Variants in ELK3 observed in about 807,000 individuals in gnomAD.
The protein encoded by ELK3 is ETS domain-containing protein Elk-3.
Under a neutral mutation model 28.9 loss-of-function variants are expected in ELK3, and 10 were observed. The ratio of observed to expected loss-of-function variants is 0.35; its 90% CI spans 0.21 to 0.59. The LOEUF is 0.59. Among genes scored for constraint, ELK3 ranks in the 20% least tolerant of loss-of-function variants. The pLI is 0.82. For missense variants in ELK3, 463 were observed against 517.3 expected (o/e 0.90, Z 1.02); for synonymous variants, 272 against 243.5 (o/e 1.12, Z -1.09).
intron 4 of ELK3, among the ~76,000 whole-genome samples, chr12:96,266,326 A>G (rs1952029254): frequency 6.6e-6 from 1 of 152,238 alleles, no homozygotes; most frequent in African/African-American, 2.4e-5. Context: ...TTTTTGACAC[A>G]TCATCCTCAA....
At chr12:96,217,472 A>G (rs1951626520) in intron 1 of ELK3, among the ~76,000 whole-genome samples, 1 of 152,298 alleles carries the variant, frequency 6.6e-6, no homozygotes. Context: ...ATTTATTTCA[A>G]TGTTCTTCTT....
chr12:96,240,203 TCATGTTAC>T (rs769145978), intron 2 of ELK3, among the ~76,000 whole-genome samples: 11 of 152,186 alleles, frequency 7.2e-5, no homozygotes, highest in Non-Finnish European at 1.5e-4. Context: ...GTGCAACTGA[TCATGTTAC>T]CCAGAACTTT....
At chr12:96,199,643 A>G (rs1200048449) in intron 1 of ELK3, among the ~76,000 whole-genome samples, 7 of 152,166 alleles carry the variant, frequency 4.6e-5, no homozygotes, top group Non-Finnish European at 1.0e-4. Context: ...CCTTTCATCC[A>G]TTACTGGAGA....
Position 96,208,860 on chromosome 12 carries a change from G to A in ELK3, c.-3+14155G>A, listed in dbSNP as rs190833666. On this transcript the variant is annotated intron_variant, in intron 1 of 4. Transcript: ENST00000228741. Reference sequence around the variant, plus strand: ...AGATGTTGGAGGTCCCGGGCCAGGTGCAGCTGGGCCAGGGAAAGGGGAAGG... The same window carrying A: ...AGATGTTGGAGGTCCCGGGCCAGGTACAGCTGGGCCAGGGAAAGGGGAAGG... Among the ~76,000 whole-genome samples the A allele has an allele frequency of 3.9e-3, 590 of 152,178 alleles. 7 individuals carry two copies. Among genetic ancestry groups the A allele is most frequent in the African/African-American group, 0.013 (543 of 41,502 alleles).
chr12:96,202,922 C>T (rs1271711285), intron 1 of ELK3, among the ~76,000 whole-genome samples: 1 of 152,068 alleles, frequency 6.6e-6, no homozygotes, highest in Non-Finnish European at 1.5e-5. Context: ...GAGTCTCGCT[C>T]CGTCGCCCAG....
At chr12:96,234,734 G>A (rs1009353617) in intron 2 of ELK3, among the ~76,000 whole-genome samples, 10 of 152,220 alleles carry the variant, frequency 6.6e-5, no homozygotes, top group Admixed American at 1.3e-4. Flanking sequence ...CATTGTAGAG[G>A]TGGGGATGCT....
chr12:96,256,774 G>A (rs1951952403), intron 3 of ELK3, among the ~76,000 whole-genome samples: 1 of 152,230 alleles, frequency 6.6e-6, no homozygotes, highest in Non-Finnish European at 1.5e-5. Context: ...GATCAGGAAA[G>A]TGTCCTTGGA....
intron 3 of ELK3, among the ~76,000 whole-genome samples, chr12:96,251,848 A>G (rs1377814648): frequency 6.6e-6 from 1 of 152,244 alleles, no homozygotes; most frequent in African/African-American, 2.4e-5. Context: ...TCCATAACAT[A>G]AAAGTGCAAG....
chr12:96,246,918 A>C (rs545187826), intron 2 of ELK3, 22 bp from the exon 3 acceptor site: 2 of 1,561,894 alleles, frequency 1.3e-6, no homozygotes, highest in Non-Finnish European at 1.7e-6. Context: ...CAGATTTTCA[A>C]CGTCTACTTT....
rs1032492271 is a variant in ELK3 at position 96,194,615 on chromosome 12, C to A, written c.-93C>A. ...GGATCTCATTACAAGAGCCACAGAC[C>A]GTCTGCAGACGCCTGTCAGCATGGA... On this transcript the variant is annotated 5_prime_UTR_variant, in exon 1 of 5. Coordinates refer to ENST00000228741, the MANE Select transcript of ELK3 (RefSeq NM_005230.4). The A allele has an allele frequency of 1.3e-5, 2 of 150,058 alleles. No individual in the cohort carries two copies. The highest frequency in any genetic ancestry group is 4.9e-5 in the African/African-American group (2 of 41,148). The allele number at this position is 150,058 out of a possible 1,614,324, so 9.3% of individuals were successfully genotyped here.
intron 4 of ELK3, among the ~76,000 whole-genome samples, chr12:96,265,952 T>C (rs1952026726): frequency 6.6e-6 from 1 of 152,150 alleles, no homozygotes; most frequent in South Asian, 2.1e-4. Flanking sequence ...CCTACCAAAA[T>C]AAAAAGTTGT....
At chr12:96,250,726 G>T (rs1035363020) in intron 3 of ELK3, among the ~76,000 whole-genome samples, 3 of 152,200 alleles carry the variant, frequency 2.0e-5, no homozygotes, top group Admixed American at 6.5e-5. Flanking sequence ...TCTGTGTGTG[G>T]GGGGTGTGCT....
chr12:96,211,379 G>A (rs537552721), intron 1 of ELK3, among the ~76,000 whole-genome samples: 5 of 152,200 alleles, frequency 3.3e-5, no homozygotes, highest in Middle Eastern at 3.4e-3. Context: ...GTGAAATTAT[G>A]TGTATTTTGT....
chr12:96,195,155 C>G (rs1951454527), intron 1 of ELK3, among the ~76,000 whole-genome samples: 1 of 152,164 alleles, frequency 6.6e-6, no homozygotes, highest in Admixed American at 6.5e-5. Context: ...GGACCACCGC[C>G]GACCTTCCAG....
intron 1 of ELK3, among the ~76,000 whole-genome samples, chr12:96,210,425 T>C (rs2137004785): frequency 6.6e-6 from 1 of 152,340 alleles, no homozygotes; most frequent in East Asian, 1.9e-4. Context: ...AGCCTGTCCC[T>C]ATTCACACTT....
chr12:96,250,112 A>G (rs1162536353), intron 3 of ELK3, among the ~76,000 whole-genome samples: 4 of 152,046 alleles, frequency 2.6e-5, no homozygotes, highest in African/African-American at 4.8e-5. Context: ...CTTCGGGTCA[A>G]AGGAGGAGGA....
In ELK3 at chr12:96,247,407, A is replaced by C. The variant is rs1363962912; in HGVS notation, c.675A>C (p.Leu225Phe). Residue 225 changes from leucine (L) to phenylalanine (F), a missense_variant, in exon 3 of 5, where the codon TTA becomes TTC. By Grantham distance (22) the Leu-to-Phe change is conservative. Around this residue, in one of 2 missense-constraint regions of ELK3, gnomAD observed 408 missense variants for 414.8 expected, o/e 0.98. Coordinates refer to ENST00000228741, the MANE Select transcript of ELK3 (RefSeq NM_005230.4). The surrounding 1 kb of genome is among the most constrained non-coding windows in gnomAD (Gnocchi z 5.5). ...ASSVSAKISS[L>F]MLPNAASISS... Reference sequence around the variant, plus strand: ...CCGTCTCGGCCAAGATCTCCTCTTTAATGTTGCCAAACGCTGCCAGTATTT... The same window carrying C: ...CCGTCTCGGCCAAGATCTCCTCTTTCATGTTGCCAAACGCTGCCAGTATTT... The C allele has an allele frequency of 3.1e-6, 5 of 1,613,848 alleles. No individual in the cohort carries two copies. Among genetic ancestry groups the C allele is most frequent in the Non-Finnish European group, 4.2e-6 (5 of 1,180,014 alleles).
At position 96,207,165 on chromosome 12, in the gene ELK3, G is replaced by A. The variant is rs935193659; in HGVS notation, c.-3+12460G>A. Among the ~76,000 whole-genome samples, 6 of 152,162 alleles carry A rather than the reference G, an allele frequency of 3.9e-5. No homozygotes were observed. In the East Asian group the frequency reaches 9.6e-4, roughly 24 times the overall value. ...AACAGACATTGAATGAGAGGTGAGAGGGCTGTGCTTGTACTTTTACCTTAA... is the reference window on the plus strand; with the variant it reads ...AACAGACATTGAATGAGAGGTGAGAAGGCTGTGCTTGTACTTTTACCTTAA... On this transcript the variant is annotated intron_variant, in intron 1 of 4. Transcript: ENST00000228741.
At chr12:96,226,225 G>C (rs1372733604) in intron 2 of ELK3, among the ~76,000 whole-genome samples, 1 of 152,192 alleles carries the variant, frequency 6.6e-6, no homozygotes, top group African/African-American at 2.4e-5. Flanking sequence ...CAGGAGTCCA[G>C]GTGGCTGGTG....
Sources: gnomAD v4.1 joint callset for allele counts (sites outside exome capture counted in the v4.1 genomes callset) on GRCh38, gnomAD v4.1.1 for gene constraint, gnomAD v4.1.1 regional missense constraint, Gnocchi (gnomAD v3.1) non-coding constraint, MANE v1.5 for transcripts, NCBI Gene and HGNC (gene_info 2026-07-23, HGNC 2026-07-21) for gene names.